DNAH6: variants seen among roughly 807,000 people sequenced by gnomAD.
DNAH6 encodes axonemal beta dynein heavy chain 6.
In DNAH6, 340 loss-of-function variants were observed where a neutral mutation model predicts 491.4. That is an observed-to-expected ratio of 0.69 (90% CI 0.63 to 0.76). The LOEUF (loss-of-function observed/expected upper bound fraction) is 0.76. DNAH6 is among the 30% of genes least tolerant of loss of function. DNAH6 has a pLI of 0.00. For missense variants in DNAH6, 4,443 were observed against 4,972.2 expected, an observed-to-expected ratio of 0.89 and a Z score of 3.20; for synonymous variants, 1,603 against 1,686.1, an observed-to-expected ratio of 0.95 and a Z score of 1.21.
At chr2:84,799,490 A>G (rs531203047) in intron 70 of DNAH6, among the ~76,000 whole-genome samples, 113 of 152,294 alleles carry the variant, frequency 7.4e-4, no homozygotes, top group African/African-American at 2.6e-3. Context: ...AGGCCCCACA[A>G]CCATCCGCTG....
At chr2:84,757,642 C>T (rs1016403152) in intron 63 of DNAH6, among the ~76,000 whole-genome samples, 1 of 152,188 alleles carries the variant, frequency 6.6e-6, no homozygotes, top group South Asian at 2.1e-4. Context: ...ACTATGTTAT[C>T]TTTTGTATGA....
At chr2:84,772,215 A>G (rs995799227) in intron 64 of DNAH6, among the ~76,000 whole-genome samples, 4 of 152,160 alleles carry the variant, frequency 2.6e-5, no homozygotes, top group Admixed American at 2.6e-4. Flanking sequence ...AATATATACA[A>G]TATAGTAAAA....
chr2:84,778,855 C>G (rs1285496556), intron 64 of DNAH6, among the ~76,000 whole-genome samples: 2 of 152,160 alleles, frequency 1.3e-5, no homozygotes, highest in East Asian at 3.8e-4. Context: ...TCTCTCTTTT[C>G]ATTTGTTTCA....
chr2:84,495,072 T>TA, the DNAH6 span, among the ~76,000 whole-genome samples: 4 of 152,200 alleles, frequency 2.6e-5, no homozygotes, highest in Non-Finnish European at 5.9e-5. Context: ...CTCTCACTCT[T>TA]AGAGAGTTTA....
the DNAH6 span, among the ~76,000 whole-genome samples, chr2:84,493,944 A>T: frequency 6.6e-6 from 1 of 152,250 alleles, no homozygotes; most frequent in African/African-American, 2.4e-5. Context: ...CACAAGGTGT[A>T]TTATGGTCAA....
At chr2:84,567,400 A>G (rs185128689) in intron 11 of DNAH6, among the ~76,000 whole-genome samples, 77 of 152,306 alleles carry the variant, frequency 5.1e-4, no homozygotes, top group Non-Finnish European at 2.1e-4. Flanking sequence ...TCAACTTCAA[A>G]CTATACTACA....
intron 17 of DNAH6, among the ~76,000 whole-genome samples, chr2:84,595,117 GA>G (rs1302367513): frequency 1.3e-5 from 2 of 151,562 alleles, no homozygotes; most frequent in Non-Finnish European, 1.5e-5. Context: ...GATGGACTTA[GA>G]AAAAAAGAAA....
chr2:84,641,730 A>G (rs1689424005), intron 32 of DNAH6, among the ~76,000 whole-genome samples: 1 of 152,190 alleles, frequency 6.6e-6, no homozygotes, highest in South Asian at 2.1e-4. Flanking sequence ...GAGGGTGATG[A>G]GAAGATGTCC....
At chr2:84,565,679 G>T (rs975764279) in intron 11 of DNAH6, among the ~76,000 whole-genome samples, 2 of 151,924 alleles carry the variant, frequency 1.3e-5, no homozygotes, top group Non-Finnish European at 2.9e-5. Context: ...CTGTTAGTGG[G>T]CGTGTTCAAG....
chr2:84,728,198 G>C (rs760027890), intron 61 of DNAH6, among the ~76,000 whole-genome samples: 1 of 152,188 alleles, frequency 6.6e-6, no homozygotes, highest in Non-Finnish European at 1.5e-5. Context: ...CTCCCTAGCT[G>C]CATGGAACTG....
chr2:84,572,956 T>G (rs1055692914), intron 11 of DNAH6, among the ~76,000 whole-genome samples: 1 of 152,182 alleles, frequency 6.6e-6, no homozygotes, highest in Admixed American at 6.5e-5. Context: ...GAACCAAGTT[T>G]AAGAGGGGTG....
At chr2:84,799,535 T>C (rs549785622) in intron 70 of DNAH6, among the ~76,000 whole-genome samples, 3 of 152,312 alleles carry the variant, frequency 2.0e-5, no homozygotes, top group East Asian at 3.9e-4. Flanking sequence ...GCCATATTGG[T>C]TGTACACTGG....
At chr2:84,681,287 G>A (rs549296589) in intron 41 of DNAH6, 70 bp from the exon 42 acceptor site, 71 of 1,284,228 alleles carry the variant, frequency 5.5e-5, no homozygotes, top group African/African-American at 5.0e-4. Context: ...GTTATCATCC[G>A]GAGTATTTAA....
chr2:84,604,583 C>T, intron 19 of DNAH6, 32 bp downstream of exon 19: 1 of 1,474,684 alleles, frequency 6.8e-7, no homozygotes, highest in Non-Finnish European at 9.2e-7. Flanking sequence ...ATCTATATAC[C>T]ATTAGGGAAT....
In DNAH6 at chr2:84,598,154, T is replaced by TCTTG. The variant is rs1553438065; in HGVS notation, c.2868+2368_2868+2369insGCTT. On this transcript the variant is annotated intron_variant, in intron 18 of 76. Coordinates refer to ENST00000389394, the MANE Select transcript of DNAH6 (RefSeq NM_001370.2). ...TTCTTTCTTTCTTTCTTTCTTTCTTTCTTTCTTTCTTTCTTTCTTTCTTTC... is the reference window on the plus strand; with the variant it reads ...TTCTTTCTTTCTTTCTTTCTTTCTTTCTTGCTTTCTTTCTTTCTTTCTTTCTTTC... Among the ~76,000 whole-genome samples, 5 of 64,860 alleles carry TCTTG rather than the reference T, an allele frequency of 7.7e-5. No individual in the cohort carries two copies. The East Asian group carries it at 2.1e-3, about 27-fold the overall frequency. 42.6% of individuals were successfully genotyped at this position (64,860 alleles called of 152,430 possible).
chr2:84,796,866 A>T (rs993853195), intron 69 of DNAH6, among the ~76,000 whole-genome samples: 4 of 152,176 alleles, frequency 2.6e-5, no homozygotes, highest in African/African-American at 9.7e-5. Flanking sequence ...CTACTATATA[A>T]AAGTTTTTAA....
At chr2:84,564,222 A>G (rs1269425466) in intron 11 of DNAH6, among the ~76,000 whole-genome samples, 1 of 152,104 alleles carries the variant, frequency 6.6e-6, no homozygotes, top group African/African-American at 2.4e-5. Context: ...GTTTTTTCTA[A>G]TTCTGTGAAA....
intron 18 of DNAH6, 108 bp downstream of exon 18, chr2:84,595,897 C>T: frequency 8.4e-7 from 1 of 1,190,698 alleles, no homozygotes; most frequent in Non-Finnish European, 1.1e-6. Flanking sequence ...GTCAGCTTTG[C>T]AGACAGAAAA....
the DNAH6 span, among the ~76,000 whole-genome samples, chr2:84,477,580 T>C: frequency 6.6e-6 from 1 of 152,200 alleles, no homozygotes; most frequent in Non-Finnish European, 1.5e-5. Flanking sequence ...GTTTCCCTTC[T>C]TCCCTAACCC....
Sources: allele counts gnomAD v4.1 joint callset (sites outside exome capture counted in the v4.1 genomes callset), GRCh38; gene constraint gnomAD v4.1.1; transcripts MANE v1.5; gene names NCBI Gene and HGNC (gene_info 2026-07-23, HGNC 2026-07-21).